CAMK1G: variants seen among roughly 807,000 people sequenced by gnomAD.
CAMK1G encodes the protein calcium/calmodulin dependent protein kinase IG.
In CAMK1G, 27 loss-of-function variants were observed where a neutral mutation model predicts 54.8. The observed-to-expected ratio is 0.49, with a 90% CI of 0.36 to 0.68. The LOEUF (loss-of-function observed/expected upper bound fraction) is 0.68, where lower values mean the gene tolerates loss of function less well. Among genes scored for constraint, CAMK1G ranks in the 30% least tolerant of loss-of-function variants. The pLI is 0.00. For synonymous variants in CAMK1G, 238 were observed against 224.9 expected, an observed-to-expected ratio of 1.06 and a Z score of -0.52; for missense variants, 512 against 591.0, an observed-to-expected ratio of 0.87 and a Z score of 1.39.
At chr1:209,609,953 C>A in intron 9 of CAMK1G, 24 bp downstream of exon 9, 1 of 1,588,414 alleles carries the variant, frequency 6.3e-7, no homozygotes, top group Non-Finnish European at 8.6e-7. Context: ...GGAGTGGACT[C>A]TAGACCCCAG....
intron 9 of CAMK1G, among the ~76,000 whole-genome samples, chr1:209,610,300 G>A (rs1460980872): frequency 6.6e-6 from 1 of 152,178 alleles, no homozygotes; most frequent in Non-Finnish European, 1.5e-5. Flanking sequence ...AACTGTTCCA[G>A]GTGAAGTGAT....
At chr1:209,587,097 G>C (rs1048596834) in intron 1 of CAMK1G, among the ~76,000 whole-genome samples, 1 of 152,152 alleles carries the variant, frequency 6.6e-6, no homozygotes, top group Admixed American at 6.5e-5. Flanking sequence ...GAAATGGAGT[G>C]GGTGGTCCTT....
intron 1 of CAMK1G, among the ~76,000 whole-genome samples, chr1:209,591,121 C>T (rs1665237033): frequency 6.6e-6 from 1 of 152,048 alleles, no homozygotes; most frequent in Non-Finnish European, 1.5e-5. Flanking sequence ...GAGAGATCTC[C>T]ACCAGTCAGG....
intron 2 of CAMK1G, among the ~76,000 whole-genome samples, chr1:209,598,534 T>A (rs1665443762): frequency 6.6e-6 from 1 of 152,230 alleles, no homozygotes; most frequent in East Asian, 1.9e-4. Flanking sequence ...GTGGAGTCTC[T>A]GTCTCTAGGG....
At chr1:209,604,914 T>C (rs969969361) in intron 4 of CAMK1G, among the ~76,000 whole-genome samples, 2 of 152,284 alleles carry the variant, frequency 1.3e-5, no homozygotes. Context: ...TTATGTGTTC[T>C]AGTACTCACT....
Position 209,606,457 on chromosome 1 carries a change from C to T in CAMK1G, c.559+14C>T, listed in dbSNP as rs1185520468. On this transcript the variant is annotated intron_variant, in intron 6 of 12. Transcript: ENST00000361322. Reference sequence around the variant, plus strand: ...CAGGCTACGTGGGTAAGTCTGGGAGCAGGAGGAAGGTTGACCAGTTGGCTA... The same window carrying T: ...CAGGCTACGTGGGTAAGTCTGGGAGTAGGAGGAAGGTTGACCAGTTGGCTA... 2 of 1,612,562 alleles carry T rather than the reference C, an allele frequency of 1.2e-6. No homozygotes were observed. Among genetic ancestry groups the T allele is most frequent in the Non-Finnish European group, 1.7e-6 (2 of 1,179,192 alleles).
intron 1 of CAMK1G, among the ~76,000 whole-genome samples, chr1:209,589,065 G>A (rs949318820): frequency 1.3e-5 from 2 of 152,216 alleles, no homozygotes; most frequent in Admixed American, 6.5e-5. Context: ...CCCCAAGGGA[G>A]GCAACAAGAT....
intron 3 of CAMK1G, 28 bp from the exon 4 acceptor site, chr1:209,603,186 C>G (rs1558139278): frequency 6.2e-7 from 1 of 1,612,986 alleles, no homozygotes; most frequent in African/African-American, 1.3e-5. Flanking sequence ...AACCACATAC[C>G]TTTCATCATG....
At chr1:209,607,219 G>A (rs1012258586) in intron 6 of CAMK1G, among the ~76,000 whole-genome samples, 2 of 152,148 alleles carry the variant, frequency 1.3e-5, no homozygotes, top group African/African-American at 4.8e-5. Flanking sequence ...CAGGTACAAA[G>A]CTCTGGTAGC....
rs1397743927 is a variant in CAMK1G at position 209,583,766 on chromosome 1, T to C, written c.-36T>C. On this transcript the variant is annotated 5_prime_UTR_variant, in exon 1 of 13. Transcript: ENST00000361322. ...GAGCTCAAGCAGGATTCTTCCCGAG[T>C]CCCTGGGTAAGACAACCCTGCTTCT... 6.6e-6 allele frequency: 1 copy of C among 152,172 alleles called. No individual in the cohort carries two copies. Among genetic ancestry groups the C allele is most frequent in the African/African-American group, 2.4e-5 (1 of 41,424 alleles). 9.4% of individuals were successfully genotyped at this position (152,172 alleles called of 1,614,324 possible).
Position 209,612,214 on chromosome 1 carries a change from A to T in CAMK1G, c.1338A>T (p.Lys446Asn), listed in dbSNP as rs929956229. The T allele has an allele frequency of 1.2e-6, 2 of 1,612,574 alleles. No individual in the cohort carries two copies. The highest frequency in any genetic ancestry group is 1.7e-6 in the Non-Finnish European group (2 of 1,178,966). The stretch of plus-strand genomic sequence containing the variant: ...CACTCCTCAAAAAGGCCAACAAAAA[A>T]CAGTACGTATTTTTAGCCAAAGATG... The part of the protein sequence containing the change: ...EPTLLKKANK[K>N]QNFKSEVMVP... Residue 446 changes from lysine to asparagine, a missense_variant and splice_region_variant, in exon 11 of 13, where the codon AAA becomes AAT. Around this residue, in one of 3 missense-constraint regions of CAMK1G, gnomAD observed 315 missense variants for 330.5 expected, o/e 0.95. Coordinates refer to ENST00000361322, the MANE Select transcript of CAMK1G (RefSeq NM_020439.3).
Position 209,612,059 on chromosome 1 carries a change from G to C in CAMK1G, c.1183G>C (p.Gly395Arg). ...GGRSLNCLVN[G>R]SLHISSSLVP... ...CAGGTCCCTCAACTGCCTGGTCAAT[G>C]GCTCCCTCCACATCAGCAGCAGCCT... Residue 395 changes from glycine (G) to arginine (R), a missense_variant, in exon 11 of 13, where the codon GGC becomes CGC. By Grantham distance (125) the Gly-to-Arg change is moderately radical. Coordinates refer to ENST00000361322, the MANE Select transcript of CAMK1G (RefSeq NM_020439.3). 1.2e-6 allele frequency: 2 copies of C among 1,614,214 alleles called. No homozygotes were observed. The highest frequency in any genetic ancestry group is 2.2e-5 in the South Asian group (2 of 91,088).
At chr1:209,611,702 T>C (rs778349589) in intron 10 of CAMK1G, 90 bp from the exon 11 acceptor site, 14 of 1,530,532 alleles carry the variant, frequency 9.1e-6, no homozygotes, top group Non-Finnish European at 1.2e-5. Flanking sequence ...GGCACCCAGG[T>C]TTCAAGAGGC....
chr1:209,609,812 C>A, intron 8 of CAMK1G, 39 bp from the exon 9 acceptor site: 1 of 1,603,212 alleles, frequency 6.2e-7, no homozygotes, highest in Non-Finnish European at 8.5e-7. Flanking sequence ...GTCATGAAAT[C>A]TGGTCCTTAG....
chr1:209,608,992 C>T lies in CAMK1G; in HGVS notation c.648C>T (p.Tyr216=), dbSNP rs144298174. ...GVITYILLCG[Y]PPFYEETESK... is the part of the protein sequence containing the mutation. Reference sequence around the variant, plus strand: ...TGTCCTGCTGCAGGCTCTGTGGATACCCCCCATTCTATGAAGAAACGGAGT... The same window carrying T: ...TGTCCTGCTGCAGGCTCTGTGGATATCCCCCATTCTATGAAGAAACGGAGT... The change falls in exon 8 of 13, where the codon TAC becomes TAT. Residue 216 remains tyrosine, a synonymous_variant. Coordinates refer to ENST00000361322, the MANE Select transcript of CAMK1G (RefSeq NM_020439.3). 37 of 1,613,634 alleles carry T rather than the reference C, an allele frequency of 2.3e-5. No individual in the cohort carries two copies. The highest frequency in any genetic ancestry group is 3.0e-5 in the Non-Finnish European group (35 of 1,179,800).
chr1:209,613,200 C>G lies in CAMK1G; in HGVS notation c.*198C>G. ...CCTCATAGGAGGCCCAGGAGGGAGC[C>G]CCAAGGCGTAGAAGCCTTGTTGAAG... On this transcript the variant is annotated 3_prime_UTR_variant, in exon 13 of 13. Coordinates refer to ENST00000361322, the MANE Select transcript of CAMK1G (RefSeq NM_020439.3). The G allele has an allele frequency of 3.4e-6, 1 of 290,718 alleles. No individual in the cohort carries two copies. Among genetic ancestry groups the G allele is most frequent in the Non-Finnish European group, 6.8e-6 (1 of 147,342 alleles). The allele number at this position is 290,718 out of a possible 1,614,324, so 18.0% of individuals were successfully genotyped here.
At chr1:209,588,839 C>T (rs1470346750) in intron 1 of CAMK1G, among the ~76,000 whole-genome samples, 1 of 152,198 alleles carries the variant, frequency 6.6e-6, no homozygotes, top group East Asian at 1.9e-4. Flanking sequence ...CTCTCACCAG[C>T]TTCTCATAAG....
intron 1 of CAMK1G, among the ~76,000 whole-genome samples, chr1:209,593,598 C>T (rs1571774641): frequency 6.6e-6 from 1 of 152,212 alleles, no homozygotes; most frequent in East Asian, 1.9e-4. Flanking sequence ...ACCCCAGATG[C>T]TCCTGCCAGA....
At position 209,594,966 on chromosome 1, in the gene CAMK1G, G is replaced by A. The variant is rs1418817470; in HGVS notation, c.-18G>A. On this transcript the variant is annotated 5_prime_UTR_variant, in exon 2 of 13. Transcript: ENST00000361322. ...TCCCTGCAATAAAGCATCCTCAGAA[G>A]CTTCAACTCTGGAGGCAATGGGTCG... The A allele has an allele frequency of 1.2e-6, 2 of 1,611,012 alleles. No homozygotes were observed. Among genetic ancestry groups the A allele is most frequent in the South Asian group, 2.2e-5 (2 of 90,700 alleles).
Sources: allele counts gnomAD v4.1 joint callset (sites outside exome capture counted in the v4.1 genomes callset), GRCh38; gene constraint gnomAD v4.1.1; regional missense constraint gnomAD v4.1.1; transcripts MANE v1.5; gene names NCBI Gene and HGNC (gene_info 2026-07-23, HGNC 2026-07-21).